UBA3: variants seen among roughly 807,000 people sequenced by gnomAD.
The protein encoded by UBA3 is NEDD8-activating enzyme E1 catalytic subunit.
In UBA3, 26 loss-of-function variants were observed where a neutral mutation model predicts 73.5. The ratio of observed to expected loss-of-function variants is 0.35; its 90% confidence interval spans 0.26 to 0.49. The LOEUF is 0.49. Among genes scored for constraint, UBA3 ranks in the 20% least tolerant of loss-of-function variants. UBA3 has a pLI of 0.98. For missense variants in UBA3, 495 were observed against 555.6 expected (o/e 0.89, Z 1.10); for synonymous variants, 217 against 191.2 (o/e 1.13, Z -1.11).
rs2091978187 is a variant in UBA3 at position 69,056,835 on chromosome 3, C to T, written c.965-20G>A. 2 of 1,609,088 alleles carry T rather than the reference C, an allele frequency of 1.2e-6. No individual in the cohort carries two copies. Among genetic ancestry groups the T allele is most frequent in the Admixed American group, 1.7e-5 (1 of 58,670 alleles). On this transcript the variant is annotated intron_variant, in intron 12 of 17. Transcript: ENST00000361055. ...ACACAGCTGAAGGGAGGAGAAAATA[C>T]AGGTGCTTTAACTCAATGGAAATTA...
In UBA3 at chr3:69,075,529, C is replaced by T; in HGVS notation, c.184-19G>A. On this transcript the variant is annotated intron_variant, in intron 3 of 17. Transcript: ENST00000361055. ...GGAGAGACTGTAAAGAATGGAAAGGCATATTAAAAGCTGGGTGATAACCGC... is the reference window on the plus strand; with the variant it reads ...GGAGAGACTGTAAAGAATGGAAAGGTATATTAAAAGCTGGGTGATAACCGC... The T allele has an allele frequency of 6.7e-7, 1 of 1,486,254 alleles. No homozygotes were observed. The highest frequency in any genetic ancestry group is 9.0e-7 in the Non-Finnish European group (1 of 1,110,884). 92.1% of individuals were successfully genotyped at this position (1,486,254 alleles called of 1,614,324 possible). A position where few individuals can be genotyped will look rare whatever the true frequency, so the allele number is the denominator to read the frequency against.
chr3:69,080,277 C>T, intron 1 of UBA3, 57 bp downstream of exon 1: 1 of 1,594,120 alleles, frequency 6.3e-7, no homozygotes, highest in Middle Eastern at 2.3e-4. Flanking sequence ...CCGCCCACCG[C>T]CGCGCTCTCT....
chr3:69,063,036 A>T lies in UBA3; in HGVS notation c.639T>A (p.Ile213=), dbSNP rs144976366. The change falls in exon 9 of 18, where the codon ATT becomes ATA. Residue 213 remains isoleucine (I), a synonymous_variant. Transcript: ENST00000361055. The part of the protein sequence containing the change: ...TEGFKGNARV[I]LPGMTACIEC... ...CGATACAAGCAGTCATTCCAGGCAG[A>T]ATCACCCGGGCATTTCCTTTAAAAC... The T allele has an allele frequency of 1.9e-6, 3 of 1,614,016 alleles. No homozygotes were observed. The African/African-American group carries it at 4.0e-5, about 22-fold the overall frequency.
At chr3:69,057,114 T>C in intron 12 of UBA3, 142 bp downstream of exon 12, 1 of 929,728 alleles carries the variant, frequency 1.1e-6, no homozygotes, top group Non-Finnish European at 1.7e-6. Context: ...ATATGCAAAG[T>C]CTAATAACTG....
chr3:69,079,751 T>C, intron 2 of UBA3: 1 of 283,222 alleles, frequency 3.5e-6, no homozygotes, highest in Non-Finnish European at 6.5e-6. Flanking sequence ...TCTTGTGTCC[T>C]TTTCCTGTGT....
In UBA3 at chr3:69,057,263, G is replaced by T; in HGVS notation, c.957C>A (p.Val319=). Residue 319 remains valine (V), a synonymous_variant, in exon 12 of 18, where the codon GTC becomes GTA. Coordinates refer to ENST00000361055, the MANE Select transcript of UBA3 (RefSeq NM_003968.4). ...IIPAVASTNA[V]IAAVCATEVF... ...TGGCCTTTTCTTCCTCACCTGCAATGACTGCATTTGTGGAAGCTACTGCAG... is the reference window on the plus strand; with the variant it reads ...TGGCCTTTTCTTCCTCACCTGCAATTACTGCATTTGTGGAAGCTACTGCAG... 1 of 1,611,012 alleles carries T rather than the reference G, an allele frequency of 6.2e-7. No individual in the cohort carries two copies. The highest frequency in any genetic ancestry group is 1.1e-5 in the South Asian group (1 of 89,930).
intron 4 of UBA3, among the ~76,000 whole-genome samples, chr3:69,074,847 A>C (rs2092151745): frequency 6.6e-6 from 1 of 152,232 alleles, no homozygotes; most frequent in Admixed American, 6.5e-5. Flanking sequence ...CCCAAACCTT[A>C]GGTGTCCACA....
intron 11 of UBA3, among the ~76,000 whole-genome samples, chr3:69,061,244 G>C (rs1378976348): frequency 6.6e-6 from 1 of 152,240 alleles, no homozygotes; most frequent in East Asian, 1.9e-4. Flanking sequence ...GCCCAGGCTG[G>C]AAAGCAGTGG....
chr3:69,061,197 G>C (rs1488566665), intron 11 of UBA3, among the ~76,000 whole-genome samples: 1 of 152,174 alleles, frequency 6.6e-6, no homozygotes, highest in Non-Finnish European at 1.5e-5. Context: ...CCAAACTGAA[G>C]ACGATTTCTA....
At chr3:69,065,894 C>T (rs936986235) in intron 6 of UBA3, among the ~76,000 whole-genome samples, 1 of 151,640 alleles carries the variant, frequency 6.6e-6, no homozygotes, top group Non-Finnish European at 1.5e-5. Flanking sequence ...TTTTCATGTG[C>T]TTTTCGTCAT....
Position 69,061,923 on chromosome 3 carries a change from C to A in UBA3, c.801G>T (p.Gly267=), listed in dbSNP as rs1314864731. 18 of 1,583,550 alleles carry A rather than the reference C, an allele frequency of 1.1e-5. No individual in the cohort carries two copies. The highest frequency in any genetic ancestry group is 1.8e-5 in the Admixed American group (1 of 54,370). Residue 267 remains glycine, a synonymous_variant, in exon 11 of 18, where the codon GGG becomes GGT. Coordinates refer to ENST00000361055, the MANE Select transcript of UBA3 (RefSeq NM_003968.4). ...CAGGATCATCTCCATCTAATGGAAC[C>A]CCTTCTGTTTAAAAAAAAAAAGGGA... ...QWPKEQPFGE[G]VPLDGDDPEH...
intron 5 of UBA3, 54 bp from the exon 6 acceptor site, chr3:69,068,062 A>T (rs895589125): frequency 8.6e-7 from 1 of 1,161,378 alleles, no homozygotes; most frequent in African/African-American, 1.6e-5. Flanking sequence ...TATGATCTAC[A>T]TAACTTATTT....
chr3:69,067,038 T>A (rs775607944), intron 6 of UBA3, among the ~76,000 whole-genome samples: 13 of 152,236 alleles, frequency 8.5e-5, no homozygotes, highest in South Asian at 4.1e-4. Flanking sequence ...ACTTTCTTTT[T>A]CAGATTTGTA....
At chr3:69,074,261 T>C (rs2092146042) in intron 4 of UBA3, among the ~76,000 whole-genome samples, 2 of 152,204 alleles carry the variant, frequency 1.3e-5, no homozygotes, top group South Asian at 4.1e-4. Context: ...ACCCTTTCCT[T>C]CTCTAAGTCT....
intron 5 of UBA3, among the ~76,000 whole-genome samples, chr3:69,069,805 GAT>G (rs1022434274): frequency 1.3e-5 from 2 of 152,156 alleles, no homozygotes; most frequent in Admixed American, 6.5e-5. Flanking sequence ...TTGTAAAAGG[GAT>G]AAAGTAGACT....
intron 11 of UBA3, among the ~76,000 whole-genome samples, chr3:69,059,579 C>T (rs2092005284): frequency 6.6e-6 from 1 of 152,048 alleles, no homozygotes; most frequent in South Asian, 2.1e-4. Flanking sequence ...CGTAGGAACT[C>T]GGGAGTATTA....
At chr3:69,073,186 C>G (rs4365633) in intron 4 of UBA3, among the ~76,000 whole-genome samples, 94,831 of 151,920 alleles carry the variant, frequency 0.62, 29,878 homozygotes, top group East Asian at 0.82. Context: ...GTAAAAGCGA[C>G]AGCACTTACA....
intron 12 of UBA3, 42 bp from the exon 13 acceptor site, chr3:69,056,857 A>G (rs775158506): frequency 1.3e-6 from 2 of 1,587,000 alleles, no homozygotes; most frequent in African/African-American, 2.7e-5. Context: ...CTCAATGGAA[A>G]TTAGGCATGT....
chr3:69,080,255 T>C, intron 1 of UBA3, 79 bp downstream of exon 1: 2 of 1,556,320 alleles, frequency 1.3e-6, no homozygotes, highest in Non-Finnish European at 1.7e-6. Flanking sequence ...GGACCCCGGG[T>C]GGCGGCGGCA....
Sources: gnomAD v4.1 joint callset for allele counts (sites outside exome capture counted in the v4.1 genomes callset) on GRCh38, gnomAD v4.1.1 for gene constraint, MANE v1.5 for transcripts, NCBI Gene and HGNC (gene_info 2026-07-23, HGNC 2026-07-21) for gene names.